Variants in CIT observed in about 807,000 individuals in gnomAD.
The protein encoded by CIT is citron rho-interacting serine/threonine kinase, also known as citron Rho-interacting kinase.
CIT carries 79 observed loss-of-function variants against 272.7 expected under a neutral mutation model. That is an observed-to-expected ratio of 0.29 (90% confidence interval 0.24 to 0.35). CIT has a LOEUF of 0.35. CIT is among the 10% of genes least tolerant of loss of function. The pLI, the probability that CIT is intolerant of heterozygous loss-of-function variation, is 1.00. For missense variants in CIT, 1,909 were observed against 2,618.3 expected (o/e 0.73, Z 5.91); for synonymous variants, 948 against 995.6 (o/e 0.95, Z 0.90).
intron 7 of CIT, among the ~76,000 whole-genome samples, chr12:119,827,600 G>A (rs543051038): frequency 5.3e-5 from 8 of 152,214 alleles, no homozygotes; most frequent in South Asian, 4.2e-4. Context: ...ACCACACCCA[G>A]ATAATTTTTG....
chr12:119,816,214 T>C (rs1264284856), intron 9 of CIT, among the ~76,000 whole-genome samples: 4 of 152,184 alleles, frequency 2.6e-5, no homozygotes, highest in African/African-American at 4.8e-5. Context: ...TAAAATCCAA[T>C]ATGGGACAAC....
chr12:119,789,502 A>G (rs1965116785), intron 10 of CIT, among the ~76,000 whole-genome samples: 2 of 152,218 alleles, frequency 1.3e-5, no homozygotes, highest in African/African-American at 4.8e-5. Flanking sequence ...AATTTCTATA[A>G]AAGAAATATA....
Position 119,752,238 on chromosome 12 carries a change from C to T in CIT, c.2716G>A (p.Glu906Lys), listed in dbSNP as rs189689357. The change falls in exon 23 of 48, where the codon GAG becomes AAG. Residue 906 changes from glutamate (E) to lysine (K), a missense_variant. Around this residue, in one of 8 missense-constraint regions of CIT, gnomAD observed 530 missense variants for 822.4 expected, o/e 0.64. Coordinates refer to ENST00000392521, the MANE Select transcript of CIT (RefSeq NM_001206999.2). Reference protein sequence around the residue: ...LETRLREVSLEHEEQKLELKR... With the variant: ...LETRLREVSLKHEEQKLELKR... ...AGCTCCAGTTTCTGCTCCTCGTGCTCTAGACTGACCTGAGACAGAGAGAGA... is the reference window on the plus strand; with the variant it reads ...AGCTCCAGTTTCTGCTCCTCGTGCTTTAGACTGACCTGAGACAGAGAGAGA... 4.4e-6 allele frequency: 7 copies of T among 1,605,306 alleles called. No individual in the cohort carries two copies. The South Asian group carries it at 6.6e-5, about 15-fold the overall frequency.
chr12:119,723,637 T>C lies in CIT; in HGVS notation c.3592-2188A>G, dbSNP rs950556743. Among the ~76,000 whole-genome samples, 4 of 152,040 alleles carry C rather than the reference T, an allele frequency of 2.6e-5. No homozygotes were observed. In the East Asian group the frequency reaches 7.7e-4, roughly 29 times the overall value. On this transcript the variant is annotated intron_variant, in intron 28 of 47. Coordinates refer to ENST00000392521, the MANE Select transcript of CIT (RefSeq NM_001206999.2). Reference sequence around the variant, plus strand: ...GGGCCTGGATGATAGAACAAGAGCATGAAACAACCCCCGTGGGCTGGAAGA... The same window carrying C: ...GGGCCTGGATGATAGAACAAGAGCACGAAACAACCCCCGTGGGCTGGAAGA...
chr12:119,822,252 T>C (rs924703621), intron 9 of CIT, among the ~76,000 whole-genome samples: 2 of 152,256 alleles, frequency 1.3e-5, no homozygotes, highest in Non-Finnish European at 1.5e-5. Flanking sequence ...CAGGTCTTTG[T>C]TTTTAATGAA....
chr12:119,773,423 T>C (rs1963397211), intron 16 of CIT, among the ~76,000 whole-genome samples: 1 of 152,194 alleles, frequency 6.6e-6, no homozygotes, highest in African/African-American at 2.4e-5. Flanking sequence ...ATCATTCAAA[T>C]GACTTCACCT....
At chr12:119,714,730 G>A (rs1212038959) in intron 32 of CIT, among the ~76,000 whole-genome samples, 1 of 152,202 alleles carries the variant, frequency 6.6e-6, no homozygotes, top group Non-Finnish European at 1.5e-5. Flanking sequence ...CATTCCTGGT[G>A]AGAATGTAAA....
intron 3 of CIT, among the ~76,000 whole-genome samples, chr12:119,862,021 G>C (rs1299600444): frequency 6.6e-6 from 1 of 151,884 alleles, no homozygotes; most frequent in Non-Finnish European, 1.5e-5. Flanking sequence ...TTGTTTCTAG[G>C]ATGGAGTCTC....
At chr12:119,696,045 G>A (rs1956206910) in intron 46 of CIT, among the ~76,000 whole-genome samples, 1 of 152,176 alleles carries the variant, frequency 6.6e-6, no homozygotes, top group African/African-American at 2.4e-5. Flanking sequence ...GAGAGGGCTG[G>A]CTGTATTGGC....
At position 119,739,349 on chromosome 12, in the gene CIT, T is replaced by C. The variant is rs78671749; in HGVS notation, c.2958+3062A>G. ...CTGAGCTTGAAAATCTTACTGTGCA[T>C]GAGCTTTTTGAAAGCTGAAGAGAGC... On this transcript the variant is annotated intron_variant, in intron 24 of 47. Coordinates refer to ENST00000392521, the MANE Select transcript of CIT (RefSeq NM_001206999.2). Among the ~76,000 whole-genome samples, 877 of 152,288 alleles carry C rather than the reference T, an allele frequency of 5.8e-3. 6 individuals are homozygous for C. The highest frequency in any genetic ancestry group is 0.02 in the African/African-American group (812 of 41,564).
At chr12:119,777,238 G>A (rs1423141124) in intron 13 of CIT, among the ~76,000 whole-genome samples, 2 of 151,840 alleles carry the variant, frequency 1.3e-5, no homozygotes, top group Non-Finnish European at 2.9e-5. Flanking sequence ...CTGGGTGACA[G>A]GGCAAGACTC....
intron 30 of CIT, among the ~76,000 whole-genome samples, chr12:119,719,866 A>G (rs1033886806): frequency 1.3e-5 from 2 of 152,208 alleles, no homozygotes; most frequent in African/African-American, 4.8e-5. Context: ...GGCTTATGAA[A>G]AACAATCTTC....
chr12:119,867,703 AC>A (rs773689175), intron 3 of CIT, among the ~76,000 whole-genome samples: 1 of 151,694 alleles, frequency 6.6e-6, no homozygotes, highest in Non-Finnish European at 1.5e-5. Context: ...CTCACACACC[AC>A]CACCCCCAAC....
At chr12:119,813,066 T>G (rs1193097719) in intron 9 of CIT, among the ~76,000 whole-genome samples, 1 of 152,194 alleles carries the variant, frequency 6.6e-6, no homozygotes, top group East Asian at 1.9e-4. Flanking sequence ...ACCCCGTTCA[T>G]GAGGGGAGGC....
chr12:119,841,058 G>T (rs1566112931), intron 5 of CIT, among the ~76,000 whole-genome samples: 2 of 152,186 alleles, frequency 1.3e-5, no homozygotes, highest in Non-Finnish European at 2.9e-5. Context: ...ATCAGATCCA[G>T]TGGTTTCAGA....
intron 28 of CIT, among the ~76,000 whole-genome samples, chr12:119,723,608 G>C (rs895054256): frequency 6.6e-6 from 1 of 152,170 alleles, no homozygotes; most frequent in African/African-American, 2.4e-5. Flanking sequence ...GGAGGAAAAA[G>C]AAAGGGCCTG....
intron 6 of CIT, 120 bp from the exon 7 acceptor site, chr12:119,832,984 C>T: frequency 1.7e-6 from 1 of 605,192 alleles, no homozygotes; most frequent in South Asian, 2.4e-5. Flanking sequence ...TAGACCTCCT[C>T]TATTGGTGGA....
Position 119,713,563 on chromosome 12 carries a change from G to A in CIT, c.4392C>T (p.Thr1464=), listed in dbSNP as rs375934324. 23 of 1,614,098 alleles carry A rather than the reference G, an allele frequency of 1.4e-5. No individual in the cohort carries two copies. Among genetic ancestry groups the A allele is most frequent in the African/African-American group, 9.3e-5 (7 of 74,932 alleles). ...GLPAEYATHF[T]EAFCRDKMNS... ...TCATTTTGTCACGGCAGAAGGCCTC[G>A]GTGAAGTGTGTGGCATATTCAGCAG... is the stretch of plus-strand genomic sequence containing the variant. The change falls in exon 34 of 48, where the codon ACC becomes ACT. Residue 1464 remains threonine, a synonymous_variant. Coordinates refer to ENST00000392521, the MANE Select transcript of CIT (RefSeq NM_001206999.2). This position sits in a 1 kb window ranked among gnomAD's most constrained non-coding sequence, Gnocchi z 5.2.
Position 119,869,156 on chromosome 12 carries a change from G to A in CIT, c.142C>T (p.Arg48Ter), listed in dbSNP as rs779825114. Residue 48 changes from arginine (R) to a stop codon, truncating the protein, a stop_gained, in exon 3 of 48, where the codon CGA becomes TGA. Transcript: ENST00000392521. LOFTEE classifies it high-confidence loss of function. ...MTQQQMSPLS[R>*]EGILDALFVL... ...AAGAGGGCATCTAATATCCCTTCTCGGGAAAGAGGAGACATCTGCTGTTGA... is the reference window on the plus strand; with the variant it reads ...AAGAGGGCATCTAATATCCCTTCTCAGGAAAGAGGAGACATCTGCTGTTGA... The A allele has an allele frequency of 5.0e-6, 8 of 1,612,774 alleles. No homozygotes were observed. Among genetic ancestry groups the A allele is most frequent in the Admixed American group, 1.7e-5 (1 of 59,584 alleles).
Sources: gnomAD v4.1 joint callset for allele counts (sites outside exome capture counted in the v4.1 genomes callset) on GRCh38, gnomAD v4.1.1 for gene constraint, gnomAD v4.1.1 regional missense constraint, Gnocchi (gnomAD v3.1) non-coding constraint, MANE v1.5 for transcripts, NCBI Gene and HGNC (gene_info 2026-07-23, HGNC 2026-07-21) for gene names.